F10: variants seen among roughly 807,000 people sequenced by gnomAD.
The protein encoded by F10 is coagulation factor X, also known as Stuart-Prower factor.
In F10, 29 loss-of-function variants were observed where a neutral mutation model predicts 37.1. The ratio of observed to expected loss-of-function variants is 0.78; its 90% confidence interval spans 0.58 to 1.07. The LOEUF (loss-of-function observed/expected upper bound fraction) is 1.07, where lower values mean the gene tolerates loss of function less well. F10 is among the 50% of genes least tolerant of loss of function. F10 has a pLI of 0.00. For synonymous variants in F10, 262 were observed against 268.6 expected, an observed-to-expected ratio of 0.98 and a Z score of 0.24; for missense variants, 539 against 667.9, an observed-to-expected ratio of 0.81 and a Z score of 2.13.
At chr13:113,142,288 TC>T (rs2036536535) in intron 5 of F10, among the ~76,000 whole-genome samples, 2 of 151,972 alleles carry the variant, frequency 1.3e-5, no homozygotes, top group Non-Finnish European at 2.9e-5. Context: ...ATGCCTGTAA[TC>T]CCAGCATTTT....
rs367546023 is a variant in F10 at position 113,148,987 on chromosome 13, C to T, written c.937C>T (p.Arg313Trp). 1.2e-6 allele frequency: 2 copies of T among 1,613,562 alleles called. No homozygotes were observed. The highest frequency in any genetic ancestry group is 1.7e-6 in the Non-Finnish European group (2 of 1,180,010). Residue 313 changes from arginine (R) to tryptophan (W), a missense_variant, in exon 8 of 8, where the codon CGG (arginine) becomes TGG (tryptophan). By Grantham distance (101) the Arg-to-Trp change is moderately radical. Coordinates refer to ENST00000375559, the MANE Select transcript of F10 (RefSeq NM_000504.4). ...GGTGGAGGTGGTCATCAAGCACAACCGGTTCACAAAGGAGACCTATGACTT... is the reference window on the plus strand; with the variant it reads ...GGTGGAGGTGGTCATCAAGCACAACTGGTTCACAAAGGAGACCTATGACTT... ...HEVEVVIKHN[R>W]FTKETYDFDI...
At chr13:113,124,129 C>A (rs2036347828) in intron 1 of F10, among the ~76,000 whole-genome samples, 1 of 150,828 alleles carries the variant, frequency 6.6e-6, no homozygotes, top group African/African-American at 2.5e-5. Flanking sequence ...GATCCTGAGG[C>A]CCTAAGCCCG....
intron 2 of F10, chr13:113,131,441 AC>A (rs2036433318): frequency 6.6e-6 from 1 of 152,504 alleles, no homozygotes; most frequent in African/African-American, 2.4e-5. Context: ...AGAAAGCCAA[AC>A]CTATGGGTTG....
Position 113,144,138 on chromosome 13 carries a change from TGTCC to T in F10, c.747+44_747+47del. 1 of 1,611,702 alleles carries T rather than the reference TGTCC, an allele frequency of 6.2e-7. No homozygotes were observed. The highest frequency in any genetic ancestry group is 1.3e-5 in the African/African-American group (1 of 75,032). On this transcript the variant is annotated intron_variant, in intron 6 of 7. Coordinates refer to ENST00000375559, the MANE Select transcript of F10 (RefSeq NM_000504.4). This position sits in a 1 kb window ranked among gnomAD's most constrained non-coding sequence, Gnocchi z 6.4. ...CCTCGGGCCTGCTGGAGAGACCACCTGTCCCGCTGTGCACCTCGGGGAGGCCAGC... is the reference window on the plus strand; with the variant it reads ...CCTCGGGCCTGCTGGAGAGACCACCTCGCTGTGCACCTCGGGGAGGCCAGC...
At chr13:113,130,030 C>G in intron 2 of F10, 1 of 330,944 alleles carries the variant, frequency 3.0e-6, no homozygotes, top group Non-Finnish European at 5.9e-6. Flanking sequence ...TCGCTGAGAG[C>G]CACAGCCTAG....
Position 113,149,410 on chromosome 13 carries a change from A to T in F10, c.1360A>T (p.Lys454Ter), listed in dbSNP as rs2036619664. 6.2e-7 allele frequency: 1 copy of T among 1,613,186 alleles called. No homozygotes were observed. The highest frequency in any genetic ancestry group is 1.1e-5 in the South Asian group (1 of 91,074). Residue 454 changes from lysine (K) to a stop codon, truncating the protein, a stop_gained, in exon 8 of 8, where the codon AAG (lysine) becomes TAG (stop). Coordinates refer to ENST00000375559, the MANE Select transcript of F10 (RefSeq NM_000504.4). LOFTEE classifies it low-confidence loss of function (END_TRUNC). The surrounding 1 kb of genome is among the most constrained non-coding windows in gnomAD (Gnocchi z 7.5). ...ARKGKYGIYT[K>*]VTAFLKWIDR... is the part of the protein sequence containing the mutation. ...TAAGGGGAAGTACGGGATCTACACC[A>T]AGGTCACCGCCTTCCTCAAGTGGAT...
intron 1 of F10, among the ~76,000 whole-genome samples, chr13:113,123,872 C>T (rs761314561): frequency 6.6e-6 from 1 of 152,134 alleles, no homozygotes; most frequent in Admixed American, 6.5e-5. Context: ...CTGTCTCCCA[C>T]GCGGAACGGG....
At chr13:113,148,862 GT>G in intron 7 of F10, 53 bp from the exon 8 acceptor site, 1 of 1,586,886 alleles carries the variant, frequency 6.3e-7, no homozygotes, top group South Asian at 1.1e-5. Flanking sequence ...AGCAACGGAT[GT>G]GCGAGAGCAT....
At chr13:113,135,607 T>C (rs886211669) in intron 2 of F10, among the ~76,000 whole-genome samples, 1 of 152,238 alleles carries the variant, frequency 6.6e-6, no homozygotes, top group Non-Finnish European at 1.5e-5. Flanking sequence ...ATCTCACCCT[T>C]AATACTATTA....
At position 113,144,033 on chromosome 13, in the gene F10, GAC is replaced by G. The variant is rs777008290; in HGVS notation, c.687_688del (p.Asp229GlufsTer26). The G allele has an allele frequency of 6.2e-7, 1 of 1,613,824 alleles. No homozygotes were observed. Among genetic ancestry groups the G allele is most frequent in the South Asian group, 1.1e-5 (1 of 91,076 alleles). On this transcript the variant is annotated frameshift_variant, in exon 6 of 8. Coordinates refer to ENST00000375559, the MANE Select transcript of F10 (RefSeq NM_000504.4). LOFTEE classifies it high-confidence loss of function. The surrounding 1 kb of genome is among the most constrained non-coding windows in gnomAD (Gnocchi z 6.4). ...DFNQTQPERG[D>X]NNLTRIVGGQ... Reference sequence around the variant, plus strand: ...CAACCAGACGCAGCCTGAGAGGGGCGACAACAACCTCACCAGGATCGTGGGAG... The same window carrying G: ...CAACCAGACGCAGCCTGAGAGGGGCGAACAACCTCACCAGGATCGTGGGAG...
chr13:113,132,581 C>T (rs1483634926), intron 2 of F10, among the ~76,000 whole-genome samples: 1 of 152,204 alleles, frequency 6.6e-6, no homozygotes, highest in East Asian at 1.9e-4. Flanking sequence ...ACTGCCTCTC[C>T]CACTGAGTGT....
intron 5 of F10, among the ~76,000 whole-genome samples, chr13:113,142,421 A>G (rs1410632430): frequency 6.7e-6 from 1 of 148,744 alleles, no homozygotes; most frequent in Non-Finnish European, 1.5e-5. Flanking sequence ...ATGGTGGTGC[A>G]CGCCTGTAGT....
chr13:113,144,155 CG>C lies in F10; in HGVS notation c.747+64del. 4 of 1,608,894 alleles carry C rather than the reference CG, an allele frequency of 2.5e-6. No individual in the cohort carries two copies. Among genetic ancestry groups the C allele is most frequent in the Non-Finnish European group, 1.7e-6 (2 of 1,179,018 alleles). On this transcript the variant is annotated intron_variant, in intron 6 of 7. Transcript: ENST00000375559. This position sits in a 1 kb window ranked among gnomAD's most constrained non-coding sequence, Gnocchi z 6.4. ...AGACCACCTGTCCCGCTGTGCACCT[CG>C]GGGAGGCCAGCCTGACACTTGGAAT...
chr13:113,142,084 A>G (rs1361635199), intron 5 of F10, among the ~76,000 whole-genome samples: 1 of 152,256 alleles, frequency 6.6e-6, no homozygotes, highest in African/African-American at 2.4e-5. Context: ...CGCTGCTTCA[A>G]TTATGTGCCT....
Position 113,146,349 on chromosome 13 carries a change from A to G in F10, c.748-1030A>G, listed in dbSNP as rs2036582486. Among the ~76,000 whole-genome samples the G allele has an allele frequency of 6.6e-6, 1 of 152,104 alleles. No homozygotes were observed. The highest frequency in any genetic ancestry group is 2.1e-4 in the South Asian group (1 of 4,824). Reference sequence around the variant, plus strand: ...GATGCAGGAGACCCCACCGAGGATGAGCAGGAAAAGCCTCTTGTGGGGCTG... The same window carrying G: ...GATGCAGGAGACCCCACCGAGGATGGGCAGGAAAAGCCTCTTGTGGGGCTG... On this transcript the variant is annotated intron_variant, in intron 6 of 7. Coordinates refer to ENST00000375559, the MANE Select transcript of F10 (RefSeq NM_000504.4). This position sits in a 1 kb window ranked among gnomAD's most constrained non-coding sequence, Gnocchi z 4.5.
At chr13:113,142,794 T>G (rs1238753351) in intron 5 of F10, among the ~76,000 whole-genome samples, 2 of 150,280 alleles carry the variant, frequency 1.3e-5, no homozygotes, top group East Asian at 2.0e-4. Flanking sequence ...TAGCTGGGCG[T>G]GGTGGCGCAC....
chr13:113,124,361 C>T (rs924685340), intron 1 of F10, among the ~76,000 whole-genome samples: 11 of 152,256 alleles, frequency 7.2e-5, no homozygotes, highest in Non-Finnish European at 1.2e-4. Flanking sequence ...GAAATGCAGG[C>T]GCCCACCTCG....
chr13:113,146,142 C>G lies in F10; in HGVS notation c.748-1237C>G, dbSNP rs1004984807. Among the ~76,000 whole-genome samples, 1 of 152,188 alleles carries G rather than the reference C, an allele frequency of 6.6e-6. No homozygotes were observed. The highest frequency in any genetic ancestry group is 1.5e-5 in the Non-Finnish European group (1 of 68,040). ...GCGAGAGAGGGATGCACTGAGGTGG[C>G]TCTGCAATGCATGTTTGTTGAGGGC... On this transcript the variant is annotated intron_variant, in intron 6 of 7. Coordinates refer to ENST00000375559, the MANE Select transcript of F10 (RefSeq NM_000504.4). The surrounding 1 kb of genome is among the most constrained non-coding windows in gnomAD (Gnocchi z 4.5).
intron 6 of F10, among the ~76,000 whole-genome samples, chr13:113,145,903 T>C (rs1595097348): frequency 1.3e-5 from 2 of 152,146 alleles, no homozygotes; most frequent in South Asian, 4.1e-4. Context: ...TGAGATGAGA[T>C]TTGGGTGGGG....
Sources: gnomAD v4.1 joint callset for allele counts (sites outside exome capture counted in the v4.1 genomes callset) on GRCh38, gnomAD v4.1.1 for gene constraint, Gnocchi (gnomAD v3.1) non-coding constraint, MANE v1.5 for transcripts, NCBI Gene and HGNC (gene_info 2026-07-23, HGNC 2026-07-21) for gene names.